SYNPR: variants seen among roughly 807,000 people sequenced by gnomAD.
The protein encoded by SYNPR is synaptoporin.
Under a neutral mutation model 32.9 loss-of-function variants are expected in SYNPR, and 23 were observed. The ratio of observed to expected loss-of-function variants is 0.70; its 90% CI spans 0.50 to 0.99. SYNPR has a LOEUF of 0.99. Ranked by LOEUF, SYNPR falls within the 50% of genes least tolerant of loss-of-function variation. The pLI is 0.00. For synonymous variants in SYNPR, 146 were observed against 135.9 expected (o/e 1.07, Z -0.52); for missense variants, 318 against 349.3 (o/e 0.91, Z 0.71).
intron 2 of SYNPR, among the ~76,000 whole-genome samples, chr3:63,307,209 G>C (rs189747304): frequency 6.6e-6 from 1 of 152,130 alleles, no homozygotes; most frequent in East Asian, 2.0e-4. Flanking sequence ...CAGAGGGTAA[G>C]TTATTCACCT....
chr3:63,577,802 A>G (rs753018620), intron 4 of SYNPR, among the ~76,000 whole-genome samples: 1 of 152,196 alleles, frequency 6.6e-6, no homozygotes, highest in Non-Finnish European at 1.5e-5. Flanking sequence ...TTTCCAAGGC[A>G]TGATGAATTC....
chr3:63,284,731 TAAC>T (rs141987074), intron 2 of SYNPR, among the ~76,000 whole-genome samples: 1,686 of 152,346 alleles, frequency 0.011, 31 homozygotes, highest in African/African-American at 0.039. Flanking sequence ...ATGCTATTGA[TAAC>T]AACAAAGTGA....
intron 2 of SYNPR, among the ~76,000 whole-genome samples, chr3:63,423,065 A>C (rs1699827944): frequency 6.6e-6 from 1 of 152,234 alleles, no homozygotes; most frequent in African/African-American, 2.4e-5. Flanking sequence ...CATCTATGGA[A>C]TAAAAGTGCA....
chr3:63,239,305 T>C (rs1055780098), intron 1 of SYNPR, among the ~76,000 whole-genome samples: 7 of 151,666 alleles, frequency 4.6e-5, no homozygotes, highest in Non-Finnish European at 8.8e-5. Context: ...CATACTACCA[T>C]TGTCACCCAT....
At chr3:63,519,762 G>A (rs911737146) in intron 3 of SYNPR, among the ~76,000 whole-genome samples, 1 of 152,180 alleles carries the variant, frequency 6.6e-6, no homozygotes, top group Admixed American at 6.5e-5. Context: ...TGTATAATGA[G>A]TTGAATGCAT....
chr3:63,607,230 T>A (rs1007731128), intron 4 of SYNPR, among the ~76,000 whole-genome samples: 3 of 152,198 alleles, frequency 2.0e-5, no homozygotes, highest in African/African-American at 7.2e-5. Context: ...TTGCATTTTT[T>A]AATCCTCTGT....
At chr3:63,267,508 T>C (rs1285392623) in intron 3 of SYNPR, 1 of 152,180 alleles carries the variant, frequency 6.6e-6, no homozygotes, top group East Asian at 1.9e-4. Context: ...GAAAATCTTT[T>C]AGGATGGGAA....
At chr3:63,496,504 C>T (rs1559517233) in intron 3 of SYNPR, among the ~76,000 whole-genome samples, 4 of 152,160 alleles carry the variant, frequency 2.6e-5, no homozygotes, top group South Asian at 2.1e-4. Context: ...TTTGTAAGCT[C>T]ATCTGTCAGG....
At chr3:63,289,722 C>G (rs187434466) in intron 2 of SYNPR, among the ~76,000 whole-genome samples, 25 of 152,132 alleles carry the variant, frequency 1.6e-4, no homozygotes, top group African/African-American at 5.1e-4. Context: ...TAGCATAAGA[C>G]GATCATAAAG....
intron 4 of SYNPR, among the ~76,000 whole-genome samples, chr3:63,564,260 G>A (rs533706359): frequency 1.3e-5 from 2 of 148,550 alleles, no homozygotes; most frequent in African/African-American, 2.5e-5. Flanking sequence ...TGGCACAGTC[G>A]ATCTCGGCTC....
intron 2 of SYNPR, among the ~76,000 whole-genome samples, chr3:63,347,342 T>A (rs898183493): frequency 6.6e-6 from 1 of 152,234 alleles, no homozygotes; most frequent in African/African-American, 2.4e-5. Flanking sequence ...GAATTTTCTA[T>A]GTGATTTTTA....
chr3:63,394,092 C>G (rs1241146353), intron 2 of SYNPR, among the ~76,000 whole-genome samples: 3 of 152,130 alleles, frequency 2.0e-5, no homozygotes, highest in Admixed American at 2.0e-4. Flanking sequence ...ATACTTCCCC[C>G]CTACCAGGTG....
At chr3:63,232,723 G>T (rs2086175603) in intron 1 of SYNPR, among the ~76,000 whole-genome samples, 1 of 152,120 alleles carries the variant, frequency 6.6e-6, no homozygotes, top group South Asian at 2.1e-4. Flanking sequence ...TGTAAAACGG[G>T]AATGGGCTCA....
At chr3:63,221,310 C>T in the SYNPR span, among the ~76,000 whole-genome samples, 4 of 152,054 alleles carry the variant, frequency 2.6e-5, no homozygotes, top group Non-Finnish European at 5.9e-5. Flanking sequence ...AAAGGGATTT[C>T]ATCTAGAGAG....
intron 3 of SYNPR, among the ~76,000 whole-genome samples, chr3:63,541,496 C>A (rs1333884078): frequency 6.6e-6 from 1 of 152,046 alleles, no homozygotes; most frequent in Non-Finnish European, 1.5e-5. Flanking sequence ...GGCCATCAGA[C>A]CCACTGAATA....
intron 4 of SYNPR, among the ~76,000 whole-genome samples, chr3:63,595,752 T>TATATATAA (rs1699933447): frequency 3.0e-5 from 1 of 33,692 alleles, no homozygotes; most frequent in Non-Finnish European, 4.5e-5. Context: ...TATATATATA[T>TATATATAA]ATATATATAT....
chr3:63,609,938 T>G (rs1700175801), intron 5 of SYNPR, among the ~76,000 whole-genome samples: 1 of 151,972 alleles, frequency 6.6e-6, no homozygotes, highest in African/African-American at 2.4e-5. Flanking sequence ...ACCTGAACTT[T>G]AAGGTTGAAG....
intron 4 of SYNPR, among the ~76,000 whole-genome samples, chr3:63,596,624 G>T (rs949381724): frequency 6.6e-6 from 1 of 152,106 alleles, no homozygotes; most frequent in African/African-American, 2.4e-5. Flanking sequence ...CCAGACCACT[G>T]AGGCAATGAA....
intron 2 of SYNPR, among the ~76,000 whole-genome samples, chr3:63,437,165 G>T (rs954124605): frequency 6.6e-6 from 1 of 152,094 alleles, no homozygotes. Flanking sequence ...ATGAGCCACC[G>T]TGCCTGGCCC....
Sources: allele counts gnomAD v4.1 joint callset (sites outside exome capture counted in the v4.1 genomes callset), GRCh38; gene constraint gnomAD v4.1.1; transcripts MANE v1.5; gene names NCBI Gene and HGNC (gene_info 2026-07-23, HGNC 2026-07-21).